OXR1: variants seen among roughly 807,000 people sequenced by gnomAD.
The protein encoded by OXR1 is oxidation resistance protein 1.
In OXR1, 41 loss-of-function variants were observed where a neutral mutation model predicts 104.6. The ratio of observed to expected loss-of-function variants is 0.39; its 90% CI spans 0.31 to 0.51. The LOEUF is 0.51. Among genes scored for constraint, OXR1 ranks in the 20% least tolerant of loss-of-function variants. The pLI is 0.77. For missense variants in OXR1, 955 were observed against 1,031.9 expected, an observed-to-expected ratio of 0.93 and a Z score of 1.02; for synonymous variants, 348 against 348.4, an observed-to-expected ratio of 1.00 and a Z score of 0.01.
intron 11 of OXR1, among the ~76,000 whole-genome samples, chr8:106,722,127 T>C (rs1832873204): frequency 6.6e-6 from 1 of 152,138 alleles, no homozygotes; most frequent in South Asian, 2.1e-4. Context: ...AAACATATGT[T>C]TTCTATTATT....
chr8:106,698,894 A>G (rs911529015), intron 7 of OXR1, among the ~76,000 whole-genome samples: 1 of 152,012 alleles, frequency 6.6e-6, no homozygotes. Context: ...GTTTATTTAC[A>G]TGCCTGGTAA....
intron 2 of OXR1, among the ~76,000 whole-genome samples, chr8:106,408,791 T>A (rs1013432729): frequency 3.3e-5 from 5 of 152,180 alleles, no homozygotes; most frequent in Admixed American, 2.0e-4. Context: ...TAAGAGCAGC[T>A]AGGTGACTGC....
intron 2 of OXR1, among the ~76,000 whole-genome samples, chr8:106,504,306 C>A (rs1812010304): frequency 6.6e-6 from 1 of 152,196 alleles, no homozygotes; most frequent in Non-Finnish European, 1.5e-5. Context: ...ACCCTTGAAA[C>A]TATAGTGCTA....
At chr8:106,419,261 G>A (rs1490408871) in intron 2 of OXR1, among the ~76,000 whole-genome samples, 1 of 152,158 alleles carries the variant, frequency 6.6e-6, no homozygotes, top group Non-Finnish European at 1.5e-5. Context: ...TTAAAAGGAT[G>A]TGCTCATTCT....
chr8:106,307,212 C>G (rs1461834293), intron 1 of OXR1, among the ~76,000 whole-genome samples: 1 of 152,068 alleles, frequency 6.6e-6, no homozygotes, highest in Non-Finnish European at 1.5e-5. Context: ...TGAAGGGAGG[C>G]GTGGGCATGC....
chr8:106,308,967 T>G (rs983411699), intron 1 of OXR1, among the ~76,000 whole-genome samples: 30 of 141,376 alleles, frequency 2.1e-4, no homozygotes, highest in Admixed American at 1.5e-3. Context: ...ATTTATAAGT[T>G]AAATTTTAAT....
chr8:106,555,399 T>G (rs2130448327), intron 3 of OXR1, among the ~76,000 whole-genome samples: 1 of 152,270 alleles, frequency 6.6e-6, no homozygotes, highest in South Asian at 2.1e-4. Flanking sequence ...TAACATTCAC[T>G]CAAGATGAGT....
chr8:106,738,759 CAA>C (rs149629286), intron 12 of OXR1, among the ~76,000 whole-genome samples: 127,659 of 151,470 alleles, frequency 0.84, 54,028 homozygotes, highest in East Asian at 0.91. Flanking sequence ...TTCCACCAAG[CAA>C]AAAAGCATGT....
chr8:106,522,964 G>T (rs1042964022), intron 3 of OXR1: 7 of 152,228 alleles, frequency 4.6e-5, no homozygotes, highest in Admixed American at 2.6e-4. Flanking sequence ...AAGACAGGGG[G>T]CTAGCTGGGC....
chr8:106,438,749 G>A (rs1819674452), intron 2 of OXR1, among the ~76,000 whole-genome samples: 1 of 152,108 alleles, frequency 6.6e-6, no homozygotes, highest in South Asian at 2.1e-4. Flanking sequence ...AGAGCAGTAT[G>A]TTCATGATAC....
chr8:106,568,813 T>C (rs1586824711), intron 3 of OXR1, among the ~76,000 whole-genome samples: 2 of 152,222 alleles, frequency 1.3e-5, no homozygotes, highest in South Asian at 4.1e-4. Context: ...AGAAAATAAA[T>C]AAATGTAAGA....
At chr8:106,597,672 G>A (rs564691899) in intron 3 of OXR1, among the ~76,000 whole-genome samples, 2 of 152,090 alleles carry the variant, frequency 1.3e-5, no homozygotes, top group African/African-American at 2.4e-5. Context: ...TGAGACAGGT[G>A]GAATTATTTC....
At position 106,702,924 on chromosome 8, in the gene OXR1, C is replaced by A. The variant is rs376686752; in HGVS notation, c.694C>A (p.Leu232Met). Residue 232 changes from leucine to methionine, a missense_variant, in exon 8 of 17, where the codon CTG (leucine) becomes ATG (methionine). Physicochemically the swap from Leu to Met is conservative, Grantham distance 15. Around this residue, in one of 2 missense-constraint regions of OXR1, gnomAD observed 849 missense variants for 852.9 expected, o/e 1.00. Coordinates refer to ENST00000517566, the MANE Select transcript of OXR1 (RefSeq NM_001198533.2). ...TSGKGTVSGV[L>M]LVTPNNIMFD... ...ACCTTAGGGCACAGTCAGTGGTGTG[C>A]TGCTAGTTACACCAAATAATATAAT... 55 of 1,612,830 alleles carry A rather than the reference C, an allele frequency of 3.4e-5. No individual in the cohort carries two copies. The highest frequency in any genetic ancestry group is 4.5e-5 in the Non-Finnish European group (53 of 1,179,176).
chr8:106,744,817 C>A (rs1835245078), intron 15 of OXR1, among the ~76,000 whole-genome samples: 1 of 152,018 alleles, frequency 6.6e-6, no homozygotes, highest in Non-Finnish European at 1.5e-5. Flanking sequence ...GAATCAACAC[C>A]ATTGGTTATA....
intron 2 of OXR1, among the ~76,000 whole-genome samples, chr8:106,388,589 A>T (rs1410102375): frequency 2.0e-5 from 3 of 151,886 alleles, no homozygotes; most frequent in Non-Finnish European, 4.4e-5. Flanking sequence ...CACCTGGCTA[A>T]TTTTTTGTAT....
chr8:106,693,597 CT>C (rs1489098585), intron 7 of OXR1, among the ~76,000 whole-genome samples: 1 of 151,676 alleles, frequency 6.6e-6, no homozygotes, highest in Non-Finnish European at 1.5e-5. Context: ...ATCTGGCTAA[CT>C]TTTTGTATTT....
intron 2 of OXR1, among the ~76,000 whole-genome samples, chr8:106,363,161 T>C (rs908223171): frequency 6.6e-6 from 1 of 152,228 alleles, no homozygotes; most frequent in Non-Finnish European, 1.5e-5. Flanking sequence ...TGAGCATCTA[T>C]AACATGCCAT....
chr8:106,431,908 A>C (rs993002620), intron 2 of OXR1, among the ~76,000 whole-genome samples: 1 of 152,232 alleles, frequency 6.6e-6, no homozygotes, highest in South Asian at 2.1e-4. Context: ...ACATGTTCAC[A>C]TCATAGTTTT....
chr8:106,661,004 C>T (rs1019131145), intron 3 of OXR1, among the ~76,000 whole-genome samples: 8 of 151,990 alleles, frequency 5.3e-5, no homozygotes, highest in African/African-American at 1.9e-4. Context: ...GAGACTCCAT[C>T]TCAAAAATAA....
Sources: allele counts gnomAD v4.1 joint callset (sites outside exome capture counted in the v4.1 genomes callset), GRCh38; gene constraint gnomAD v4.1.1; regional missense constraint gnomAD v4.1.1; transcripts MANE v1.5; gene names NCBI Gene and HGNC (gene_info 2026-07-23, HGNC 2026-07-21).